Variants in XKR4 observed in about 807,000 individuals in gnomAD.
XKR4 encodes the protein XK related 4, also known as XK-related protein 4.
A neutral mutation model predicts 53.9 loss-of-function variants in XKR4; 12 were observed. The observed-to-expected ratio is 0.22, with a 90% CI of 0.14 to 0.36. The LOEUF (loss-of-function observed/expected upper bound fraction) is 0.36, where lower values mean the gene tolerates loss of function less well. Among genes scored for constraint, XKR4 ranks in the 10% least tolerant of loss-of-function variants. The pLI is 1.00. For synonymous variants in XKR4, 354 were observed against 362.4 expected (o/e 0.98, Z 0.26); for missense variants, 799 against 859.5 (o/e 0.93, Z 0.88).
intron 1 of XKR4, among the ~76,000 whole-genome samples, chr8:55,203,505 G>A (rs1173305108): frequency 6.6e-6 from 1 of 152,192 alleles, no homozygotes; most frequent in Non-Finnish European, 1.5e-5. Flanking sequence ...CAGACCTATT[G>A]AATGAGGATG....
At chr8:55,519,473 C>T (rs1375874174) in intron 2 of XKR4, among the ~76,000 whole-genome samples, 1 of 152,120 alleles carries the variant, frequency 6.6e-6, no homozygotes, top group African/African-American at 2.4e-5. Flanking sequence ...AAATTAGGAA[C>T]ACCTTTTTTT....
At chr8:55,483,135 T>A (rs1469138533) in intron 2 of XKR4, among the ~76,000 whole-genome samples, 1 of 152,090 alleles carries the variant, frequency 6.6e-6, no homozygotes, top group Non-Finnish European at 1.5e-5. Flanking sequence ...GGGAAAAAAA[T>A]GGGTGTATAA....
chr8:55,116,461 G>A (rs1816310573), intron 1 of XKR4, among the ~76,000 whole-genome samples: 1 of 152,174 alleles, frequency 6.6e-6, no homozygotes, highest in Non-Finnish European at 1.5e-5. Context: ...GAAATAGGAT[G>A]GCTCAGTTTG....
intron 1 of XKR4, among the ~76,000 whole-genome samples, chr8:55,205,938 C>T (rs1184736371): frequency 1.3e-5 from 2 of 152,154 alleles, no homozygotes; most frequent in Non-Finnish European, 2.9e-5. Context: ...TTTCTTCCTT[C>T]TGGTGGGTTC....
At chr8:55,449,442 G>T (rs1454276706) in intron 2 of XKR4, 7 of 769,594 alleles carry the variant, frequency 9.1e-6, no homozygotes, top group African/African-American at 6.9e-5. Context: ...CATGGCCAGG[G>T]CTGCCCTGCC....
chr8:55,440,741 G>T (rs1303097640), intron 2 of XKR4, among the ~76,000 whole-genome samples: 1 of 152,098 alleles, frequency 6.6e-6, no homozygotes, highest in Non-Finnish European at 1.5e-5. Flanking sequence ...AAATAACAAT[G>T]ATTGTAAAGG....
intron 1 of XKR4, among the ~76,000 whole-genome samples, chr8:55,176,433 C>T (rs1817235777): frequency 6.6e-6 from 1 of 152,138 alleles, no homozygotes; most frequent in South Asian, 2.1e-4. Flanking sequence ...ACTCACATGG[C>T]TGGGCACTGG....
chr8:55,473,603 G>A (rs768710136), intron 2 of XKR4, among the ~76,000 whole-genome samples: 36 of 152,170 alleles, frequency 2.4e-4, no homozygotes, highest in Admixed American at 1.2e-3. Flanking sequence ...TTTCAAAAAG[G>A]AATAAGTGTG....
rs117269333 is a variant in XKR4 at position 55,434,340 on chromosome 8, A to G, written c.1006+76463A>G. ...CAAAAAGAATTAAATTCAACATTGA[A>G]AATATTTTATGTAAAAATTTAATAT... On this transcript the variant is annotated intron_variant, in intron 2 of 2. Transcript: ENST00000327381. Among the ~76,000 whole-genome samples, 44 of 152,298 alleles carry G rather than the reference A, an allele frequency of 2.9e-4. No individual in the cohort carries two copies. In the East Asian group the frequency reaches 6.7e-3, roughly 23 times the overall value.
At chr8:55,139,063 T>C (rs531681982) in intron 1 of XKR4, among the ~76,000 whole-genome samples, 3 of 152,316 alleles carry the variant, frequency 2.0e-5, no homozygotes, top group East Asian at 3.9e-4. Flanking sequence ...GGTACCTGTG[T>C]ATATTTTTTT....
intron 1 of XKR4, among the ~76,000 whole-genome samples, chr8:55,286,012 C>A (rs892388552): frequency 2.0e-5 from 3 of 152,230 alleles, no homozygotes; most frequent in Non-Finnish European, 4.4e-5. Context: ...CAATTTCTCA[C>A]CTACTGTGTG....
chr8:55,337,625 G>A (rs942420250), intron 1 of XKR4, among the ~76,000 whole-genome samples: 1 of 152,144 alleles, frequency 6.6e-6, no homozygotes, highest in Non-Finnish European at 1.5e-5. Flanking sequence ...GAACGACAAA[G>A]GGAAACGATG....
chr8:55,462,290 A>G (rs1232141056), intron 2 of XKR4, among the ~76,000 whole-genome samples: 2 of 152,260 alleles, frequency 1.3e-5, no homozygotes, highest in South Asian at 2.1e-4. Flanking sequence ...CAGAAACTCT[A>G]CAAACCAGAA....
chr8:55,420,841 TG>T (rs1465002025), intron 2 of XKR4, among the ~76,000 whole-genome samples: 2 of 149,496 alleles, frequency 1.3e-5, no homozygotes, highest in African/African-American at 5.1e-5. Context: ...AAAGATCCTT[TG>T]GCTGTTGTTG....
chr8:55,260,578 A>G (rs1818510543), intron 1 of XKR4, among the ~76,000 whole-genome samples: 1 of 152,116 alleles, frequency 6.6e-6, no homozygotes, highest in Non-Finnish European at 1.5e-5. Context: ...AGAATAGCTC[A>G]CTCTCTTGTG....
At chr8:55,473,193 T>C (rs1026611120) in intron 2 of XKR4, among the ~76,000 whole-genome samples, 6 of 152,088 alleles carry the variant, frequency 3.9e-5, no homozygotes, top group Non-Finnish European at 8.8e-5. Flanking sequence ...GGACCTTCTC[T>C]GCAAAAAATA....
chr8:55,523,323 T>G lies in XKR4; in HGVS notation c.1049T>G (p.Leu350Trp). The change falls in exon 3 of 3, where the codon TTG (leucine) becomes TGG (tryptophan). Residue 350 changes from leucine to tryptophan, a missense_variant. Around this residue, in one of 3 missense-constraint regions of XKR4, gnomAD observed 476 missense variants for 505.4 expected, o/e 0.94. Coordinates refer to ENST00000327381, the MANE Select transcript of XKR4 (RefSeq NM_052898.2). ...AASLVSLAWA[L>W]ASYQKALRDS... Reference sequence around the variant, plus strand: ...TCCCTCGTGTCCCTGGCCTGGGCCTTGGCCTCCTACCAGAAGGCCCTCCGG... The same window carrying G: ...TCCCTCGTGTCCCTGGCCTGGGCCTGGGCCTCCTACCAGAAGGCCCTCCGG... 1 of 1,613,912 alleles carries G rather than the reference T, an allele frequency of 6.2e-7. No homozygotes were observed. Among genetic ancestry groups the G allele is most frequent in the South Asian group, 1.1e-5 (1 of 91,046 alleles).
At chr8:55,122,254 A>G (rs1816402332) in intron 1 of XKR4, among the ~76,000 whole-genome samples, 1 of 152,246 alleles carries the variant, frequency 6.6e-6, no homozygotes, top group African/African-American at 2.4e-5. Context: ...GTCAAATGTC[A>G]GTGTCACATG....
At chr8:55,126,820 G>C (rs1816474052) in intron 1 of XKR4, among the ~76,000 whole-genome samples, 1 of 152,144 alleles carries the variant, frequency 6.6e-6, no homozygotes, top group Admixed American at 6.5e-5. Context: ...TGCTTCACCA[G>C]GTTAACCACG....
Sources: gnomAD v4.1 joint callset for allele counts (sites outside exome capture counted in the v4.1 genomes callset) on GRCh38, gnomAD v4.1.1 for gene constraint, gnomAD v4.1.1 regional missense constraint, MANE v1.5 for transcripts, NCBI Gene and HGNC (gene_info 2026-07-23, HGNC 2026-07-21) for gene names.